DNAH12: variants seen among roughly 807,000 people sequenced by gnomAD.
DNAH12 encodes dynein axonemal heavy chain 12.
Under a neutral mutation model 371.5 loss-of-function variants are expected in DNAH12, and 285 were observed. That is an observed-to-expected ratio of 0.77 (90% confidence interval 0.70 to 0.85). DNAH12 has a LOEUF of 0.85. Among genes scored for constraint, DNAH12 ranks in the 40% least tolerant of loss-of-function variants. The pLI is 0.00. For missense variants in DNAH12, 3,611 were observed against 3,689.4 expected (o/e 0.98, Z 0.55); for synonymous variants, 1,200 against 1,213.0 (o/e 0.99, Z 0.22).
chr3:57,507,610 C>T (rs770674585), intron 8 of DNAH12, 33 bp downstream of exon 8: 2 of 1,426,570 alleles, frequency 1.4e-6, no homozygotes, highest in Non-Finnish European at 1.9e-6. Context: ...ATTTTAATAA[C>T]ATTATCATTT....
chr3:57,343,611 C>G (rs1177077399), intron 60 of DNAH12, among the ~76,000 whole-genome samples: 3 of 152,172 alleles, frequency 2.0e-5, no homozygotes, highest in Non-Finnish European at 4.4e-5. Context: ...AAAGACCTGA[C>G]CGTCCCCCAG....
chr3:57,503,471 C>T (rs537157310), intron 9 of DNAH12, among the ~76,000 whole-genome samples: 1 of 151,822 alleles, frequency 6.6e-6, no homozygotes, highest in South Asian at 2.1e-4. Context: ...TCACTGCAAC[C>T]TCCGACTCCC....
At chr3:57,353,054 C>A (rs890025411) in intron 59 of DNAH12, among the ~76,000 whole-genome samples, 1 of 151,828 alleles carries the variant, frequency 6.6e-6, no homozygotes, top group African/African-American at 2.4e-5. Context: ...TCACTGCACT[C>A]GAGCCTGGGT....
intron 40 of DNAH12, among the ~76,000 whole-genome samples, chr3:57,407,290 A>T (rs1328886793): frequency 6.6e-6 from 1 of 151,578 alleles, no homozygotes; most frequent in Non-Finnish European, 1.5e-5. Flanking sequence ...AGAAAAAAAA[A>T]AAAAAAAGCC....
chr3:57,410,146 C>A (rs1175456997), intron 39 of DNAH12, among the ~76,000 whole-genome samples: 1 of 152,138 alleles, frequency 6.6e-6, no homozygotes, highest in African/African-American at 2.4e-5. Flanking sequence ...TATTTCACTT[C>A]ATTTCATTAA....
the DNAH12 span, among the ~76,000 whole-genome samples, chr3:57,550,519 T>TTTTTA: frequency 1.3e-5 from 2 of 152,068 alleles, no homozygotes; most frequent in African/African-American, 2.4e-5. Context: ...TTTATTTTTA[T>TTTTTA]TTTTATTTTT....
At chr3:57,512,295 T>TA (rs1175841551) in intron 4 of DNAH12, among the ~76,000 whole-genome samples, 8 of 152,122 alleles carry the variant, frequency 5.3e-5, no homozygotes, top group Middle Eastern at 3.2e-3. Flanking sequence ...ATAGAGCAGT[T>TA]AAATTTATAG....
intron 25 of DNAH12, among the ~76,000 whole-genome samples, chr3:57,450,596 C>A (rs1294587490): frequency 6.6e-6 from 1 of 152,170 alleles, no homozygotes; most frequent in Non-Finnish European, 1.5e-5. Context: ...AAGTTGTTAG[C>A]CCCCACCTTA....
intron 35 of DNAH12, among the ~76,000 whole-genome samples, chr3:57,424,157 T>A (rs2064683279): frequency 6.6e-6 from 1 of 152,130 alleles, no homozygotes. Flanking sequence ...TTATTGTTGA[T>A]CAAATTATAA....
At chr3:57,418,043 T>G (rs2064435120) in intron 37 of DNAH12, among the ~76,000 whole-genome samples, 1 of 151,818 alleles carries the variant, frequency 6.6e-6, no homozygotes. Flanking sequence ...TCCCAGCTAC[T>G]CAGGAGGCTG....
intron 11 of DNAH12, chr3:57,498,061 C>T (rs1242817602): frequency 6.4e-6 from 1 of 155,738 alleles, no homozygotes; most frequent in Non-Finnish European, 1.4e-5. Flanking sequence ...ACAGATGGAA[C>T]ATGACATGTT....
At chr3:57,382,871 C>T (rs2063423630) in intron 49 of DNAH12, among the ~76,000 whole-genome samples, 3 of 152,182 alleles carry the variant, frequency 2.0e-5, no homozygotes, top group African/African-American at 7.2e-5. Context: ...TTCACTTACC[C>T]ACTCCAATAT....
intron 32 of DNAH12, among the ~76,000 whole-genome samples, chr3:57,432,789 T>A (rs1351545509): frequency 1.3e-5 from 2 of 152,202 alleles, no homozygotes; most frequent in East Asian, 3.8e-4. Flanking sequence ...GTGAACCTTG[T>A]AGGGTATAGG....
At chr3:57,338,307 T>C (rs572817729) in intron 60 of DNAH12, among the ~76,000 whole-genome samples, 13 of 152,334 alleles carry the variant, frequency 8.5e-5, no homozygotes, top group Non-Finnish European at 1.3e-4. Context: ...CTCGGTCACT[T>C]AGTGCTCAAT....
intron 43 of DNAH12, chr3:57,402,258 GA>G: frequency 3.4e-6 from 2 of 580,700 alleles, no homozygotes; most frequent in South Asian, 4.3e-5. Context: ...TTAGGTTGTA[GA>G]AATTGTTTGT....
At chr3:57,373,827 A>T in intron 55 of DNAH12, among the ~76,000 whole-genome samples, 1 of 152,212 alleles carries the variant, frequency 6.6e-6, no homozygotes, top group East Asian at 1.9e-4. Context: ...ATTGCCGATA[A>T]GTTTCAACCT....
rs2063183138 is a variant in DNAH12, at chr3:57,371,951, A to AAAAAAAAAAAAAAAT, written c.8759+3405_8759+3419dup. Among the ~76,000 whole-genome samples, 7 of 148,760 alleles carry AAAAAAAAAAAAAAAT rather than the reference A, an allele frequency of 4.7e-5. 1 individual carries two copies. The highest frequency in any genetic ancestry group is 1.3e-4 in the Admixed American group (2 of 14,970). ...GAATTCTAAACTCAGCAAAAAAAAA[A>AAAAAAAAAAAAAAAT]AAAAAAAAAAAAAATTCTTTCAAAA... On this transcript the variant is annotated intron_variant, in intron 55 of 73. Transcript: ENST00000495027.
At chr3:57,308,362 C>A (rs577479963) in intron 69 of DNAH12, among the ~76,000 whole-genome samples, 1 of 152,212 alleles carries the variant, frequency 6.6e-6, no homozygotes, top group East Asian at 1.9e-4. Flanking sequence ...CTTTTAAAAA[C>A]ACACCTCGCC....
At chr3:57,391,375 T>C (rs1189591268) in intron 45 of DNAH12, among the ~76,000 whole-genome samples, 4 of 152,184 alleles carry the variant, frequency 2.6e-5, no homozygotes, top group African/African-American at 9.7e-5. Context: ...TTGGACTGAA[T>C]TGGCTCTTTC....
Sources: gnomAD v4.1 joint callset for allele counts (sites outside exome capture counted in the v4.1 genomes callset) on GRCh38, gnomAD v4.1.1 for gene constraint, MANE v1.5 for transcripts, NCBI Gene and HGNC (gene_info 2026-07-23, HGNC 2026-07-21) for gene names.